SLC41A1: variants seen among roughly 807,000 people sequenced by gnomAD.
The protein encoded by SLC41A1 is solute carrier family 41 (magnesium transporter), member 1.
SLC41A1 carries 20 observed loss-of-function variants against 47.3 expected under a neutral mutation model. The ratio of observed to expected loss-of-function variants is 0.42; its 90% CI spans 0.30 to 0.61. The LOEUF (loss-of-function observed/expected upper bound fraction) is 0.61. Ranked by LOEUF, SLC41A1 falls within the 20% of genes least tolerant of loss-of-function variation. SLC41A1 has a pLI of 0.17. For missense variants in SLC41A1, 504 were observed against 674.1 expected (o/e 0.75, Z 2.79); for synonymous variants, 282 against 272.7 (o/e 1.03, Z -0.34).
chr1:205,812,539 C>T (rs1327648845), intron 1 of SLC41A1, among the ~76,000 whole-genome samples: 1 of 152,226 alleles, frequency 6.6e-6, no homozygotes, highest in Admixed American at 6.5e-5. Flanking sequence ...GGAAGCCAGT[C>T]CTCCCTCACC....
chr1:205,811,620 TC>T (rs1558084931), intron 1 of SLC41A1, among the ~76,000 whole-genome samples: 2 of 152,200 alleles, frequency 1.3e-5, no homozygotes, highest in South Asian at 2.1e-4. Flanking sequence ...CTGAGTGAAG[TC>T]CCCCAGACCC....
chr1:205,801,425 C>A, intron 2 of SLC41A1: 1 of 331,702 alleles, frequency 3.0e-6, no homozygotes, highest in Non-Finnish European at 5.8e-6. Flanking sequence ...AATCCCCCCT[C>A]AAATTGCAAT....
chr1:205,812,638 A>G (rs1656184440), intron 1 of SLC41A1, 170 bp downstream of exon 1: 1 of 553,784 alleles, frequency 1.8e-6, no homozygotes, highest in Admixed American at 6.4e-5. Flanking sequence ...CCCTCCTCCC[A>G]GGCGGGGACA....
At chr1:205,801,175 A>G (rs1484204832) in intron 2 of SLC41A1, 115 bp from the exon 3 acceptor site, 4 of 796,632 alleles carry the variant, frequency 5.0e-6, no homozygotes, top group South Asian at 2.9e-5. Context: ...GCAGGGAGTG[A>G]GCACGCCAGC....
Position 205,810,146 on chromosome 1 carries a change from C to A in SLC41A1, c.296G>T (p.Gly99Val). ...GAGGAATGGAAACAGTACTTGCAGC[C>A]CGATGGAAAAGGAGGTCTCCTTGAG... Reference protein sequence around the residue: ...SPLKETSFSIGLQVLFPFLLA... With the variant: ...SPLKETSFSIVLQVLFPFLLA... The change falls in exon 2 of 11, where the codon GGG (glycine) becomes GTG (valine). Residue 99 changes from glycine to valine, a missense_variant. By Grantham distance (109) the Gly-to-Val change is moderately radical. This residue lies in a region of SLC41A1 where 421 missense variants were observed against 601.6 expected (regional missense o/e 0.70). Coordinates refer to ENST00000367137, the MANE Select transcript of SLC41A1 (RefSeq NM_173854.6). The surrounding 1 kb of genome is among the most constrained non-coding windows in gnomAD (Gnocchi z 5.5). The A allele has an allele frequency of 6.2e-7, 1 of 1,614,222 alleles. No individual in the cohort carries two copies. The highest frequency in any genetic ancestry group is 8.5e-7 in the Non-Finnish European group (1 of 1,180,048).
intron 1 of SLC41A1, among the ~76,000 whole-genome samples, chr1:205,812,399 T>C (rs1656178160): frequency 1.3e-5 from 2 of 152,188 alleles, no homozygotes; most frequent in South Asian, 2.1e-4. Flanking sequence ...TCACCAGAGA[T>C]CCAGGAGGAA....
chr1:205,793,633 G>A (rs1655675038), intron 10 of SLC41A1, among the ~76,000 whole-genome samples: 1 of 152,228 alleles, frequency 6.6e-6, no homozygotes, highest in Non-Finnish European at 1.5e-5. Flanking sequence ...TAAAATTATG[G>A]TCTGTGTATC....
rs547688269 is a variant in SLC41A1, at chr1:205,791,107, C to G, written c.*426G>C. 135 of 273,140 alleles carry G rather than the reference C, an allele frequency of 4.9e-4. No individual in the cohort carries two copies. In the South Asian group the frequency reaches 5.2e-3, roughly 11 times the overall value. 16.9% of individuals were successfully genotyped at this position (273,140 alleles called of 1,614,324 possible). On this transcript the variant is annotated 3_prime_UTR_variant, in exon 11 of 11. Coordinates refer to ENST00000367137, the MANE Select transcript of SLC41A1 (RefSeq NM_173854.6). This position sits in a 1 kb window ranked among gnomAD's most constrained non-coding sequence, Gnocchi z 4.0. ...TTATTCTTCTGTCCCTCTGTTCAAC[C>G]AAAACCAAAAATAAAACAAAACAGA...
rs1302444188 is a variant in SLC41A1 at position 205,791,772 on chromosome 1, C to T, written c.1357-54G>A. Reference sequence around the variant, plus strand: ...GCCATCCTCTCTCTCCAGGGGGAGCCAGAGGCCACATGATCAGACCCATTC... The same window carrying T: ...GCCATCCTCTCTCTCCAGGGGGAGCTAGAGGCCACATGATCAGACCCATTC... On this transcript the variant is annotated intron_variant, in intron 10 of 10. Coordinates refer to ENST00000367137, the MANE Select transcript of SLC41A1 (RefSeq NM_173854.6). The surrounding 1 kb of genome is among the most constrained non-coding windows in gnomAD (Gnocchi z 4.0). 26 of 1,597,012 alleles carry T rather than the reference C, an allele frequency of 1.6e-5. No homozygotes were observed. Among genetic ancestry groups the T allele is most frequent in the Admixed American group, 3.4e-5 (2 of 58,314 alleles).
At chr1:205,796,603 A>T in intron 8 of SLC41A1, 1 of 383,680 alleles carries the variant, frequency 2.6e-6, no homozygotes, top group South Asian at 2.6e-5. Flanking sequence ...GAGCTAAATA[A>T]ACTTCTTTTC....
chr1:205,797,707 C>A (rs1040670854), intron 7 of SLC41A1, among the ~76,000 whole-genome samples, 197 bp downstream of exon 7: 3 of 152,172 alleles, frequency 2.0e-5, no homozygotes, highest in Non-Finnish European at 4.4e-5. Context: ...TTTTGGTTCT[C>A]CAGGCCAATA....
Position 205,798,546 on chromosome 1 carries a change from T to C in SLC41A1, c.844+123A>G. 2.1e-6 allele frequency: 3 copies of C among 1,414,820 alleles called. No individual in the cohort carries two copies. In the South Asian group the frequency reaches 3.5e-5, roughly 16 times the overall value. 87.6% of individuals were successfully genotyped at this position (1,414,820 alleles called of 1,614,324 possible). A position where few individuals can be genotyped will look rare whatever the true frequency, so the allele number is the denominator to read the frequency against. ...TCAAATCTCTAAGATCAGGAATTAT[T>C]ACAACCTGTGTTCAAACCAAATAGT... On this transcript the variant is annotated intron_variant, in intron 6 of 10. Transcript: ENST00000367137.
chr1:205,808,416 C>T (rs1451024000), intron 2 of SLC41A1, among the ~76,000 whole-genome samples: 1 of 152,170 alleles, frequency 6.6e-6, no homozygotes, highest in African/African-American at 2.4e-5. Context: ...TGGATCCTAC[C>T]TCATGGGCCT....
At chr1:205,793,800 AAT>A (rs1337162585) in intron 10 of SLC41A1, among the ~76,000 whole-genome samples, 2 of 152,172 alleles carry the variant, frequency 1.3e-5, no homozygotes, top group African/African-American at 4.8e-5. Context: ...AAATAAGAAA[AAT>A]ATATGTTTAC....
At chr1:205,795,261 G>T in intron 9 of SLC41A1, 83 bp downstream of exon 9, 1 of 1,603,526 alleles carries the variant, frequency 6.2e-7, no homozygotes. Flanking sequence ...TGTGGATCTG[G>T]GGCCCCAGCT....
intron 6 of SLC41A1, among the ~76,000 whole-genome samples, chr1:205,798,320 C>G (rs1420911004): frequency 6.6e-6 from 1 of 152,148 alleles, no homozygotes; most frequent in Non-Finnish European, 1.5e-5. Flanking sequence ...CTCTAGGTCT[C>G]TTGATTGGAG....
At position 205,810,639 on chromosome 1, in the gene SLC41A1, C is replaced by A; in HGVS notation, c.-198G>T. 1 of 756,946 alleles carries A rather than the reference C, an allele frequency of 1.3e-6. No individual in the cohort carries two copies. The highest frequency in any genetic ancestry group is 1.8e-5 in the South Asian group (1 of 54,720). The allele number at this position is 756,946 out of a possible 1,614,324, so 46.9% of individuals were successfully genotyped here. On this transcript the variant is annotated 5_prime_UTR_variant, in exon 2 of 11. Transcript: ENST00000367137. This position sits in a 1 kb window ranked among gnomAD's most constrained non-coding sequence, Gnocchi z 5.5. ...CAGGCAGCCCCATCAAGCACTGAAG[C>A]CGCAAGCTGGGAAGAAACAAGAAAT...
rs1388611684 is a variant in SLC41A1, at chr1:205,791,644, G to C, written c.1431C>G (p.Phe477Leu). ...CCAGAGCAGTCAAGTATGGGATGGA[G>C]AAGTTGTCCGGGTCCAGGCCCCGGC... The part of the protein sequence containing the change: ...MWGRGLDPDN[F>L]SIPYLTALGD... Residue 477 changes from phenylalanine (F) to leucine (L), a missense_variant, in exon 11 of 11, where the codon TTC becomes TTG. Transcript: ENST00000367137. The surrounding 1 kb of genome is among the most constrained non-coding windows in gnomAD (Gnocchi z 4.0). 6.2e-7 allele frequency: 1 copy of C among 1,614,060 alleles called. No homozygotes were observed. The highest frequency in any genetic ancestry group is 8.5e-7 in the Non-Finnish European group (1 of 1,180,034).
At chr1:205,807,648 G>GTTTTTT (rs1170069554) in intron 2 of SLC41A1, among the ~76,000 whole-genome samples, 5 of 100,150 alleles carry the variant, frequency 5.0e-5, no homozygotes, top group South Asian at 3.5e-4. Flanking sequence ...TCCTCGTAGA[G>GTTTTTT]TCTTTTTTTT....
Sources: allele counts gnomAD v4.1 joint callset (sites outside exome capture counted in the v4.1 genomes callset), GRCh38; gene constraint gnomAD v4.1.1; regional missense constraint gnomAD v4.1.1; non-coding constraint Gnocchi (gnomAD v3.1); transcripts MANE v1.5; gene names NCBI Gene and HGNC (gene_info 2026-07-23, HGNC 2026-07-21).